PLCB1: variants seen among roughly 807,000 people sequenced by gnomAD.
PLCB1 encodes the protein phospholipase C beta 1, also known as 1-phosphatidylinositol 4,5-bisphosphate phosphodiesterase beta-1.
PLCB1 carries 46 observed loss-of-function variants against 161.8 expected under a neutral mutation model. The ratio of observed to expected loss-of-function variants is 0.28; its 90% CI spans 0.22 to 0.36. PLCB1 has a LOEUF of 0.36. Among genes scored for constraint, PLCB1 ranks in the 10% least tolerant of loss-of-function variants. The probability of loss-of-function intolerance (pLI) is 1.00; values close to 1 mark genes in which losing one functional copy is unlikely to be tolerated. For synonymous variants in PLCB1, 517 were observed against 503.7 expected (o/e 1.03, Z -0.35); for missense variants, 1,016 against 1,472.5 (o/e 0.69, Z 5.07).
chr20:8,201,624 C>T (rs1353874350), intron 2 of PLCB1, among the ~76,000 whole-genome samples: 1 of 152,068 alleles, frequency 6.6e-6, no homozygotes, highest in Non-Finnish European at 1.5e-5. Context: ...ATTCCAGAAG[C>T]TTTCCATCTC....
At position 8,475,759 on chromosome 20, in the gene PLCB1, A is replaced by G. The variant is rs770597805; in HGVS notation, c.246+104309A>G. On this transcript the variant is annotated intron_variant, in intron 3 of 31. Coordinates refer to ENST00000338037, the MANE Select transcript of PLCB1 (RefSeq NM_015192.4). Reference sequence around the variant, plus strand: ...GGAACAATGTTTGTATGAAGTAAAGAAAAACAATAGGATAATCAATGCAAG... The same window carrying G: ...GGAACAATGTTTGTATGAAGTAAAGGAAAACAATAGGATAATCAATGCAAG... Among the ~76,000 whole-genome samples, 53 of 152,242 alleles carry G rather than the reference A, an allele frequency of 3.5e-4. 1 individual carries two copies. Among genetic ancestry groups the G allele is most frequent in the Admixed American group, 2.1e-3 (32 of 15,276 alleles).
chr20:8,541,562 G>GAAAGAAAGAAAGAAAGAA (rs1555769018), intron 3 of PLCB1, among the ~76,000 whole-genome samples: 12 of 114,428 alleles, frequency 1.0e-4, no homozygotes, highest in African/African-American at 2.2e-4. Context: ...AAGGAAGAAA[G>GAAAGAAAGAAAGAAAGAA]AGAAAGAAAG....
chr20:8,141,839 G>T (rs887319253), intron 1 of PLCB1: 1 of 152,146 alleles, frequency 6.6e-6, no homozygotes, highest in African/African-American at 2.4e-5. Context: ...CGACATACGT[G>T]TAAATGTTGT....
intron 31 of PLCB1, among the ~76,000 whole-genome samples, chr20:8,849,198 CTAA>C (rs1326778961): frequency 1.3e-5 from 2 of 151,976 alleles, no homozygotes; most frequent in African/African-American, 4.8e-5. Context: ...CATTTTTTGA[CTAA>C]TGAGAGATTA....
chr20:8,204,904 T>C (rs1290175032), intron 2 of PLCB1, among the ~76,000 whole-genome samples: 1 of 152,198 alleles, frequency 6.6e-6, no homozygotes, highest in Non-Finnish European at 1.5e-5. Context: ...TCATCATTTT[T>C]TTTCCTTGCC....
At chr20:8,545,521 T>C (rs1985505131) in intron 3 of PLCB1, among the ~76,000 whole-genome samples, 4 of 152,174 alleles carry the variant, frequency 2.6e-5, no homozygotes, top group Admixed American at 2.6e-4. Flanking sequence ...AATTAAAAAC[T>C]AAATGCAATG....
chr20:8,618,959 A>G (rs981491013), intron 3 of PLCB1, among the ~76,000 whole-genome samples: 1 of 152,202 alleles, frequency 6.6e-6, no homozygotes, highest in African/African-American at 2.4e-5. Context: ...AAGGAAATAA[A>G]TCTGAAAATC....
chr20:8,199,617 T>C (rs1184602538), intron 2 of PLCB1, among the ~76,000 whole-genome samples: 1 of 152,148 alleles, frequency 6.6e-6, no homozygotes, highest in Non-Finnish European at 1.5e-5. Context: ...TTAGTTTGTA[T>C]GTGAGATTCT....
At chr20:8,506,900 A>G (rs759254482) in intron 3 of PLCB1, among the ~76,000 whole-genome samples, 5 of 152,208 alleles carry the variant, frequency 3.3e-5, no homozygotes, top group Non-Finnish European at 7.3e-5. Flanking sequence ...AAACTATAGT[A>G]GAACCTTGAA....
rs1042387835 is a variant in PLCB1 at position 8,385,700 on chromosome 20, G to A, written c.246+14250G>A. On this transcript the variant is annotated intron_variant, in intron 3 of 31. Coordinates refer to ENST00000338037, the MANE Select transcript of PLCB1 (RefSeq NM_015192.4). ...TGGGTTGCACAGTTCTGTGGAAAAA[G>A]CATGGTTTCCCCGGCTGGGTAGCAC... Among the ~76,000 whole-genome samples, 3 of 152,240 alleles carry A rather than the reference G, an allele frequency of 2.0e-5. No homozygotes were observed. In the East Asian group the frequency reaches 5.8e-4, roughly 29 times the overall value.
chr20:8,376,399 T>C (rs1987080775), intron 3 of PLCB1, among the ~76,000 whole-genome samples: 1 of 152,194 alleles, frequency 6.6e-6, no homozygotes, highest in African/African-American at 2.4e-5. Flanking sequence ...TAAAAATTGA[T>C]TAGGCTTTTC....
intron 2 of PLCB1, among the ~76,000 whole-genome samples, chr20:8,317,154 A>C (rs1404349705): frequency 6.6e-6 from 1 of 152,150 alleles, no homozygotes; most frequent in African/African-American, 2.4e-5. Flanking sequence ...TAGAGGCTGA[A>C]TGACATCAAA....
chr20:8,625,724 T>C (rs1988320210), intron 3 of PLCB1, among the ~76,000 whole-genome samples: 1 of 152,196 alleles, frequency 6.6e-6, no homozygotes, highest in African/African-American at 2.4e-5. Context: ...TTTTAAATTT[T>C]TTTTTCCCAA....
chr20:8,197,012 G>A (rs182281457), intron 2 of PLCB1, among the ~76,000 whole-genome samples: 57 of 152,126 alleles, frequency 3.7e-4, no homozygotes, highest in African/African-American at 1.1e-3. Flanking sequence ...CATTTTTTAC[G>A]GCTGCATAGT....
intron 23 of PLCB1, among the ~76,000 whole-genome samples, chr20:8,743,901 C>G (rs1303746853): frequency 6.6e-6 from 1 of 152,112 alleles, no homozygotes; most frequent in African/African-American, 2.4e-5. Context: ...AAATTAATTT[C>G]TCTTTGGAAA....
chr20:8,189,223 A>G (rs976979721), intron 2 of PLCB1, among the ~76,000 whole-genome samples: 7 of 151,504 alleles, frequency 4.6e-5, no homozygotes, highest in Non-Finnish European at 8.8e-5. Context: ...GATTTTTGCT[A>G]AGTGAATAGC....
chr20:8,384,120 C>T (rs1987348207), intron 3 of PLCB1, among the ~76,000 whole-genome samples: 1 of 152,062 alleles, frequency 6.6e-6, no homozygotes, highest in South Asian at 2.1e-4. Context: ...GTGTGTTTTC[C>T]AGCTTCTTTT....
intron 31 of PLCB1, among the ~76,000 whole-genome samples, chr20:8,864,474 C>G (rs555654320): frequency 1.5e-3 from 232 of 152,326 alleles, no homozygotes; most frequent in African/African-American, 5.0e-3. Flanking sequence ...CTGTGTCTCA[C>G]TCATGTCTCT....
rs1568615549 is a variant in PLCB1 at position 8,278,977 on chromosome 20, T to TAAAAAA, written c.178-92405_178-92404insAAAAAA. On this transcript the variant is annotated intron_variant, in intron 2 of 31. Coordinates refer to ENST00000338037, the MANE Select transcript of PLCB1 (RefSeq NM_015192.4). The stretch of plus-strand genomic sequence containing the variant: ...AATAAACACGACTATACAGTGTTTT[T>TAAAAAA]TAAAAAAAAAAACAAAACAGAAAAT... 8.0e-3 allele frequency among the ~76,000 whole-genome samples: 1,190 copies of TAAAAAA among 148,268 alleles called. 16 individuals carry two copies. Among genetic ancestry groups the TAAAAAA allele is most frequent in the African/African-American group, 0.027 (1,054 of 39,522 alleles).
Sources: gnomAD v4.1 joint callset for allele counts (sites outside exome capture counted in the v4.1 genomes callset) on GRCh38, gnomAD v4.1.1 for gene constraint, MANE v1.5 for transcripts, NCBI Gene and HGNC (gene_info 2026-07-23, HGNC 2026-07-21) for gene names.